Variants in MIER1 observed in about 807,000 individuals in gnomAD.
The protein encoded by MIER1 is mesoderm induction early response protein 1.
MIER1 carries 40 observed loss-of-function variants against 75.7 expected under a neutral mutation model. That is an observed-to-expected ratio of 0.53 (90% CI 0.41 to 0.69). MIER1 has a LOEUF of 0.69. Ranked by LOEUF, MIER1 falls within the 30% of genes least tolerant of loss-of-function variation. The pLI, the probability that MIER1 is intolerant of heterozygous loss-of-function variation, is 0.00. For missense variants in MIER1, 574 were observed against 680.2 expected (o/e 0.84, Z 1.74); for synonymous variants, 213 against 223.4 (o/e 0.95, Z 0.42).
At chr1:66,940,082 CGATTT>C (rs1490221039) in intron 3 of MIER1, 30 bp downstream of exon 3, 2 of 1,545,384 alleles carry the variant, frequency 1.3e-6, no homozygotes, top group Non-Finnish European at 1.8e-6. Flanking sequence ...TTTATAATCT[CGATTT>C]GAGTAACATT....
In MIER1 at chr1:66,986,271, A is replaced by G. The variant is rs551372692; in HGVS notation, c.*1371A>G. The G allele has an allele frequency of 5.9e-4, 854 of 1,437,102 alleles. 1 individual carries two copies. The highest frequency in any genetic ancestry group is 7.3e-4 in the Non-Finnish European group (804 of 1,102,444). The allele number at this position is 1,437,102 out of a possible 1,614,324, so 89.0% of individuals were successfully genotyped here. On this transcript the variant is annotated 3_prime_UTR_variant, in exon 14 of 14. Transcript: ENST00000401041. ...ATTACAGATAGGATTATCCATCTGC[A>G]TAGCCTTGTAAAAGTGCCATTTTAT...
In MIER1 at chr1:66,958,128, G is replaced by T; in HGVS notation, c.409G>T (p.Glu137Ter). ...GYGSTVRLPE[E>*]DEEEEEEEEE... ...TGGTAGTACTGTTCGACTACCTGAA[G>T]AAGATGAGGAAGAGGAAGAAGAGGA... Residue 137 changes from glutamate to a stop codon, truncating the protein, a stop_gained, in exon 5 of 14, where the codon GAA becomes TAA. Transcript: ENST00000401041. LOFTEE classifies it high-confidence loss of function. 2 of 1,609,094 alleles carry T rather than the reference G, an allele frequency of 1.2e-6. No homozygotes were observed. Among genetic ancestry groups the T allele is most frequent in the Non-Finnish European group, 1.7e-6 (2 of 1,175,624 alleles).
intron 4 of MIER1, among the ~76,000 whole-genome samples, chr1:66,952,902 C>G (rs530169833): frequency 6.6e-6 from 1 of 152,214 alleles, no homozygotes; most frequent in Non-Finnish European, 1.5e-5. Context: ...ACCTTGGCCT[C>G]CCAAAGTGCT....
rs1479620574 is a variant in MIER1, at chr1:66,987,447, T to A, written c.*2547T>A. 1 of 152,708 alleles carries A rather than the reference T, an allele frequency of 6.5e-6. No homozygotes were observed. Among genetic ancestry groups the A allele is most frequent in the African/African-American group, 2.4e-5 (1 of 41,448 alleles). 9.5% of individuals were successfully genotyped at this position (152,708 alleles called of 1,614,324 possible). A position where few individuals can be genotyped will look rare whatever the true frequency, so the allele number is the denominator to read the frequency against. On this transcript the variant is annotated 3_prime_UTR_variant, in exon 14 of 14. Transcript: ENST00000401041. ...TCATTTGGAATGGGTATTTTCTGTT[T>A]CATGATGTATTTTCAAATAGAGTTC...
At chr1:66,943,589 C>G (rs954626247) in intron 3 of MIER1, among the ~76,000 whole-genome samples, 1 of 149,548 alleles carries the variant, frequency 6.7e-6, no homozygotes, top group Non-Finnish European at 1.5e-5. Context: ...TTCCTCTTTT[C>G]TTCCTTTCTT....
At chr1:66,945,164 G>A (rs986651174) in intron 3 of MIER1, among the ~76,000 whole-genome samples, 7 of 151,422 alleles carry the variant, frequency 4.6e-5, no homozygotes, top group Non-Finnish European at 8.8e-5. Context: ...AACCTCCCTC[G>A]GATACCAAAA....
At chr1:66,951,620 G>A (rs201897042) in intron 4 of MIER1, among the ~76,000 whole-genome samples, 2 of 151,066 alleles carry the variant, frequency 1.3e-5, no homozygotes, top group Non-Finnish European at 2.9e-5. Flanking sequence ...TCGTTCTGTC[G>A]CTCTGGCTGG....
intron 2 of MIER1, among the ~76,000 whole-genome samples, chr1:66,938,567 C>A (rs1655462278): frequency 6.6e-6 from 1 of 152,118 alleles, no homozygotes; most frequent in Non-Finnish European, 1.5e-5. Flanking sequence ...CCATTTTGAA[C>A]CAGAAATGTG....
At chr1:66,981,724 C>T in intron 12 of MIER1, 55 bp from the exon 13 acceptor site, 1 of 1,431,516 alleles carries the variant, frequency 7.0e-7, no homozygotes, top group South Asian at 1.3e-5. Flanking sequence ...TTAACCTCAA[C>T]TAATTTTTAA....
chr1:66,925,731 G>T (rs1483368764), intron 1 of MIER1, among the ~76,000 whole-genome samples: 1 of 152,140 alleles, frequency 6.6e-6, no homozygotes, highest in Non-Finnish European at 1.5e-5. Flanking sequence ...CCTATCTGTG[G>T]TCCCTGCATG....
intron 4 of MIER1, chr1:66,946,940 T>C: frequency 1.0e-6 from 1 of 985,484 alleles, no homozygotes; most frequent in Non-Finnish European, 1.2e-6. Context: ...TCTTCTTCCG[T>C]TACTCAAGGT....
intron 11 of MIER1, among the ~76,000 whole-genome samples, chr1:66,973,431 A>G (rs1160340867): frequency 1.3e-5 from 2 of 152,202 alleles, no homozygotes; most frequent in African/African-American, 4.8e-5. Context: ...AATACTTAAT[A>G]TTTAACTTAG....
intron 5 of MIER1, among the ~76,000 whole-genome samples, chr1:66,958,517 G>C (rs1660621772): frequency 6.6e-6 from 1 of 151,950 alleles, no homozygotes; most frequent in Admixed American, 6.6e-5. Context: ...CTAATTGGCA[G>C]TTTGTGTTTA....
chr1:66,988,291 T>C lies in MIER1; in HGVS notation c.*3391T>C, dbSNP rs1667032878. On this transcript the variant is annotated 3_prime_UTR_variant, in exon 14 of 14. Coordinates refer to ENST00000401041, the MANE Select transcript of MIER1 (RefSeq NM_001077700.3). ...TCAAAATGACTTTTTCTGTATCACA[T>C]AATTCTACTGATACAACTTTTTACC... is the stretch of plus-strand genomic sequence containing the variant. 6.6e-6 allele frequency: 1 copy of C among 152,346 alleles called. No homozygotes were observed. Among genetic ancestry groups the C allele is most frequent in the Non-Finnish European group, 1.5e-5 (1 of 68,022 alleles). The allele number at this position is 152,346 out of a possible 1,614,324, so 9.4% of individuals were successfully genotyped here. A position where few individuals can be genotyped will look rare whatever the true frequency, so the allele number is the denominator to read the frequency against.
At position 66,959,737 on chromosome 1, in the gene MIER1, G is replaced by T; in HGVS notation, c.693G>T (p.Trp231Cys). 7.1e-7 allele frequency: 1 copy of T among 1,400,194 alleles called. No individual in the cohort carries two copies. The highest frequency in any genetic ancestry group is 9.6e-7 in the Non-Finnish European group (1 of 1,046,250). 86.7% of individuals were successfully genotyped at this position (1,400,194 alleles called of 1,614,324 possible). A position where few individuals can be genotyped will look rare whatever the true frequency, so the allele number is the denominator to read the frequency against. ...EDEDYIPSED[W>C]KKEIMVGSMF... is the part of the protein sequence containing the mutation. The stretch of plus-strand genomic sequence containing the variant: ...AAGATTATATTCCATCAGAAGACTG[G>T]AAAAAGGTAGTTAGAACAATATTTT... Residue 231 changes from tryptophan (W) to cysteine (C), a missense_variant, in exon 7 of 14, where the codon TGG becomes TGT. Trp to Cys is a radical substitution (Grantham distance 215, BLOSUM62 -2). This residue lies in a region of MIER1 where 309 missense variants were observed against 352.8 expected (regional missense o/e 0.88). Transcript: ENST00000401041.
intron 2 of MIER1, among the ~76,000 whole-genome samples, chr1:66,935,704 T>C (rs992227957): frequency 6.6e-6 from 1 of 152,220 alleles, no homozygotes; most frequent in African/African-American, 2.4e-5. Context: ...TAACTATTGT[T>C]AACAGGTTCT....
At chr1:66,981,021 GT>G (rs1213619985) in intron 12 of MIER1, among the ~76,000 whole-genome samples, 16 of 152,154 alleles carry the variant, frequency 1.1e-4, no homozygotes, top group African/African-American at 3.6e-4. Flanking sequence ...TATTCTAGTG[GT>G]TTAGTAGCAC....
At chr1:66,937,656 T>C (rs531295253) in intron 2 of MIER1, among the ~76,000 whole-genome samples, 5 of 152,308 alleles carry the variant, frequency 3.3e-5, no homozygotes, top group African/African-American at 1.2e-4. Flanking sequence ...TTATTTCATA[T>C]CTAAATAAAA....
chr1:66,944,213 T>C (rs1656936066), intron 3 of MIER1, among the ~76,000 whole-genome samples: 1 of 152,036 alleles, frequency 6.6e-6, no homozygotes, highest in African/African-American at 2.4e-5. Context: ...GTCAGCTCTA[T>C]CTCTTTGCTT....
Sources: allele counts gnomAD v4.1 joint callset (sites outside exome capture counted in the v4.1 genomes callset), GRCh38; gene constraint gnomAD v4.1.1; regional missense constraint gnomAD v4.1.1; transcripts MANE v1.5; gene names NCBI Gene and HGNC (gene_info 2026-07-23, HGNC 2026-07-21).